The following KLF12 variants were observed in gnomAD, a reference collection of about 807,000 sequenced individuals.
KLF12 encodes the protein Krueppel-like factor 12.
A neutral mutation model predicts 37.8 loss-of-function variants in KLF12; 9 were observed. The ratio of observed to expected loss-of-function variants is 0.24; its 90% CI spans 0.14 to 0.42. KLF12 has a LOEUF of 0.42. Among genes scored for constraint, KLF12 ranks in the 10% least tolerant of loss-of-function variants. The pLI is 1.00. For synonymous variants in KLF12, 208 were observed against 202.1 expected (o/e 1.03, Z -0.25); for missense variants, 411 against 516.0 (o/e 0.80, Z 1.97).
chr13:74,135,077 C>T (rs1406935444), upstream of KLF12, among the ~76,000 whole-genome samples: 1 of 151,262 alleles, frequency 6.6e-6, no homozygotes, highest in Non-Finnish European at 1.5e-5. Context: ...GGCGGAGGGC[C>T]GGGCGCGGCA....
the KLF12 span, among the ~76,000 whole-genome samples, chr13:74,174,364 G>T: frequency 1.8e-4 from 24 of 132,112 alleles, no homozygotes; most frequent in African/African-American, 6.8e-4. Flanking sequence ...ATGGAGTCTC[G>T]CTCTGTTGCC....
chr13:74,244,085 T>C, the KLF12 span, among the ~76,000 whole-genome samples: 1 of 152,248 alleles, frequency 6.6e-6, no homozygotes, highest in Non-Finnish European at 1.5e-5. Flanking sequence ...GTTGAATTTT[T>C]TGTTTTTAAC....
intron 2 of KLF12, among the ~76,000 whole-genome samples, chr13:73,961,025 C>A (rs138800013): frequency 6.6e-6 from 1 of 152,162 alleles, no homozygotes; most frequent in African/African-American, 2.4e-5. Flanking sequence ...AGAAATAAAT[C>A]TTTCCTGGTT....
intron 6 of KLF12, among the ~76,000 whole-genome samples, chr13:73,717,518 A>G (rs1222591792): frequency 6.6e-6 from 1 of 152,218 alleles, no homozygotes; most frequent in East Asian, 1.9e-4. Flanking sequence ...ACGTGTCTTC[A>G]GATTTCAGTG....
chr13:74,303,316 A>G, the KLF12 span, among the ~76,000 whole-genome samples: 4 of 152,240 alleles, frequency 2.6e-5, no homozygotes, highest in African/African-American at 9.6e-5. Context: ...GAGTGTGACT[A>G]TTGAATTCCT....
intron 1 of KLF12, 25 bp from the exon 2 acceptor site, chr13:73,995,078 T>C (rs1892070345): frequency 6.6e-7 from 1 of 1,519,466 alleles, no homozygotes; most frequent in Non-Finnish European, 9.0e-7. Context: ...CAAAGACAAA[T>C]GATGAGAGAA....
intron 3 of KLF12, among the ~76,000 whole-genome samples, chr13:73,894,713 A>G (rs1181399856): frequency 6.6e-6 from 1 of 152,200 alleles, no homozygotes; most frequent in Non-Finnish European, 1.5e-5. Context: ...CAAAACAATA[A>G]TAATGATTGT....
intron 1 of KLF12, among the ~76,000 whole-genome samples, chr13:74,078,934 A>G (rs1334622121): frequency 1.3e-5 from 2 of 152,198 alleles, no homozygotes; most frequent in African/African-American, 4.8e-5. Flanking sequence ...CAAAAACTCT[A>G]TCCATTAAAC....
chr13:73,810,244 CA>C (rs1289064193), intron 5 of KLF12, among the ~76,000 whole-genome samples: 23 of 141,286 alleles, frequency 1.6e-4, no homozygotes, highest in African/African-American at 2.6e-4. Context: ...GACGCCATCT[CA>C]AAAAAAAAAG....
At position 73,735,128 on chromosome 13, in the gene KLF12, T is replaced by TA. The variant is rs34423201; in HGVS notation, c.870-19604dup. On this transcript the variant is annotated intron_variant, in intron 6 of 7. Coordinates refer to ENST00000377669, the MANE Select transcript of KLF12 (RefSeq NM_007249.5). ...CATAGCAAGTTCTCACCTCTACTAT[T>TA]AAAAAAAAAAAAAAAAAAAAAAGCC... Among the ~76,000 whole-genome samples the TA allele has an allele frequency of 7.0e-3, 651 of 93,600 alleles. 3 individuals carry two copies. The highest frequency in any genetic ancestry group is 0.011 in the Middle Eastern group (2 of 176). 61.4% of individuals were successfully genotyped at this position (93,600 alleles called of 152,430 possible). A position where few individuals can be genotyped will look rare whatever the true frequency, so the allele number is the denominator to read the frequency against.
At chr13:74,041,515 G>GT (rs1431582167) in intron 1 of KLF12, among the ~76,000 whole-genome samples, 1 of 152,102 alleles carries the variant, frequency 6.6e-6, no homozygotes, top group Non-Finnish European at 1.5e-5. Context: ...CAAGCATTGT[G>GT]TAAGTAGAGC....
At chr13:74,117,152 C>G (rs1359331146) in intron 1 of KLF12, among the ~76,000 whole-genome samples, 1 of 152,070 alleles carries the variant, frequency 6.6e-6, no homozygotes, top group African/African-American at 2.4e-5. Context: ...AGCATCTACC[C>G]TGGTAGCAAA....
chr13:74,119,678 G>A (rs1877511414), intron 1 of KLF12, among the ~76,000 whole-genome samples: 1 of 152,148 alleles, frequency 6.6e-6, no homozygotes, highest in Admixed American at 6.5e-5. Context: ...AATAGATGGG[G>A]GAGAGGTGCA....
intron 6 of KLF12, among the ~76,000 whole-genome samples, chr13:73,741,227 C>T (rs112675266): frequency 0.019 from 2,817 of 152,146 alleles, 72 homozygotes; most frequent in African/African-American, 0.061. Context: ...AGATGAAACA[C>T]GTCGATGTGA....
At chr13:73,974,320 A>AAAAAAAAAAAAAAAAAAAT (rs397704620) in intron 2 of KLF12, among the ~76,000 whole-genome samples, 10 of 151,608 alleles carry the variant, frequency 6.6e-5, no homozygotes, top group East Asian at 3.9e-4. Context: ...CAAAAAAAAA[A>AAAAAAAAAAAAAAAAAAAT]GAATTCTGCA....
intron 1 of KLF12, among the ~76,000 whole-genome samples, chr13:74,103,172 A>G (rs934544868): frequency 6.6e-6 from 1 of 152,260 alleles, no homozygotes; most frequent in African/African-American, 2.4e-5. Flanking sequence ...TATACATTTA[A>G]AATTATTTAT....
chr13:73,887,208 T>C (rs748409613), intron 3 of KLF12, among the ~76,000 whole-genome samples: 6 of 152,084 alleles, frequency 3.9e-5, no homozygotes, highest in Non-Finnish European at 8.8e-5. Context: ...TCTAAATAAA[T>C]TGTCTAAAGT....
chr13:73,997,460 A>G (rs1892153671), intron 1 of KLF12, among the ~76,000 whole-genome samples: 1 of 152,242 alleles, frequency 6.6e-6, no homozygotes, highest in African/African-American at 2.4e-5. Context: ...CTAGATATCG[A>G]ATAGGAAATA....
intron 5 of KLF12, among the ~76,000 whole-genome samples, chr13:73,779,703 C>G (rs1346787445): frequency 6.6e-6 from 1 of 152,194 alleles, no homozygotes; most frequent in Non-Finnish European, 1.5e-5. Flanking sequence ...CTTGGGGATC[C>G]CATTTGGAGC....
Sources: gnomAD v4.1 joint callset for allele counts (sites outside exome capture counted in the v4.1 genomes callset) on GRCh38, gnomAD v4.1.1 for gene constraint, MANE v1.5 for transcripts, NCBI Gene and HGNC (gene_info 2026-07-23, HGNC 2026-07-21) for gene names.